The following IRX4 variants were observed in gnomAD, a reference collection of about 807,000 sequenced individuals.
The protein encoded by IRX4 is iroquois-class homeodomain protein IRX-4.
In IRX4, 22 loss-of-function variants were observed where a neutral mutation model predicts 32.0. The ratio of observed to expected loss-of-function variants is 0.69; its 90% CI spans 0.49 to 0.98. IRX4 has a LOEUF of 0.98. Ranked by LOEUF, IRX4 falls within the 50% of genes least tolerant of loss-of-function variation. The pLI is 0.00. For missense variants in IRX4, 840 were observed against 744.2 expected (o/e 1.13, Z -1.50); for synonymous variants, 379 against 351.7 (o/e 1.08, Z -0.87).
At chr5:1,878,916 G>T in intron 4 of IRX4, 124 bp from the exon 5 acceptor site, 2 of 1,005,616 alleles carry the variant, frequency 2.0e-6, no homozygotes, top group Non-Finnish European at 3.1e-6. Context: ...GCCTCTCTTC[G>T]CGTCTCCCAT....
chr5:1,886,698 C>G (rs1735642281), upstream of IRX4, among the ~76,000 whole-genome samples: 1 of 152,078 alleles, frequency 6.6e-6, no homozygotes, highest in Non-Finnish European at 1.5e-5. Flanking sequence ...CTGGCCACTC[C>G]GAGCCCCCCA....
At chr5:1,886,977 G>C (rs1212915944), upstream of IRX4, 1 of 151,178 alleles carries the variant, frequency 6.6e-6, no homozygotes, top group Non-Finnish European at 1.5e-5. Context: ...TCCCCTCGGC[G>C]GCCGCGCGGA....
rs1317527272 is a variant in IRX4, at chr5:1,878,468, A to T, written c.1061T>A (p.Val354Glu). The T allele has an allele frequency of 6.2e-6, 9 of 1,452,264 alleles. No individual in the cohort carries two copies. The highest frequency in any genetic ancestry group is 8.1e-6 in the Non-Finnish European group (9 of 1,108,520). The allele number at this position is 1,452,264 out of a possible 1,614,324, so 90.0% of individuals were successfully genotyped here. The stretch of plus-strand genomic sequence containing the variant: ...CAGGCCTGCCGACGCCCCCGCCGGC[A>T]CAAACCCCAGCTTGGCCTCGCAGAC... ...PQVCEAKLGFVPAGASAGLEA... is the reference protein window; with the variant it reads ...PQVCEAKLGFEPAGASAGLEA... The change falls in exon 5 of 5, where the codon GTG becomes GAG. Residue 354 changes from valine (V) to glutamate (E), a missense_variant. Around this residue, in one of 3 missense-constraint regions of IRX4, gnomAD observed 585 missense variants for 488.0 expected, o/e 1.20. Transcript: ENST00000231357.
rs563172730 is a variant in IRX4, at chr5:1,878,829, G to A, written c.737-37C>T. On this transcript the variant is annotated intron_variant, in intron 4 of 4. Transcript: ENST00000231357. ...AATGCGTGGCCAGTGGAGGGAGAGGGTTGGTAGGTGAATCAGACCCCCTGT... is the reference window on the plus strand; with the variant it reads ...AATGCGTGGCCAGTGGAGGGAGAGGATTGGTAGGTGAATCAGACCCCCTGT... 6 of 1,603,504 alleles carry A rather than the reference G, an allele frequency of 3.7e-6. No individual in the cohort carries two copies. The East Asian group carries it at 6.7e-5, about 18-fold the overall frequency.
Position 1,880,669 on chromosome 5 carries a change from C to T in IRX4, c.407+56G>A, listed in dbSNP as rs555644904. 107 of 1,191,392 alleles carry T rather than the reference C, an allele frequency of 9.0e-5. 2 individuals are homozygous for T. The East Asian group carries it at 2.0e-3, about 22-fold the overall frequency. The allele number at this position is 1,191,392 out of a possible 1,614,324, so 73.8% of individuals were successfully genotyped here. A position where few individuals can be genotyped will look rare whatever the true frequency, so the allele number is the denominator to read the frequency against. On this transcript the variant is annotated intron_variant, in intron 3 of 4. Coordinates refer to ENST00000231357, the MANE Select transcript of IRX4 (RefSeq NM_016358.3). ...CATGATGGTGGAGGGGAGTTGGTGG[C>T]TGACAGTGCAGAGGGCCCGTGGGGC...
chr5:1,877,788 G>A lies in IRX4; in HGVS notation c.*181C>T. ...TCAGGCTCAGGCCCAGGCGGTGGAG[G>A]CCCCGGCGTGGCAGCGCCGGGCTTG... On this transcript the variant is annotated 3_prime_UTR_variant, in exon 5 of 5. Coordinates refer to ENST00000231357, the MANE Select transcript of IRX4 (RefSeq NM_016358.3). 1 of 605,812 alleles carries A rather than the reference G, an allele frequency of 1.7e-6. No homozygotes were observed. Among genetic ancestry groups the A allele is most frequent in the Non-Finnish European group, 2.7e-6 (1 of 365,774 alleles). 37.5% of individuals were successfully genotyped at this position (605,812 alleles called of 1,614,324 possible).
chr5:1,879,459 C>T (rs1384545716), intron 4 of IRX4, 45 bp downstream of exon 4: 1 of 1,612,328 alleles, frequency 6.2e-7, no homozygotes, highest in African/African-American at 1.3e-5. Context: ...GGCACTGTGC[C>T]TGCACTCCAG....
Position 1,878,318 on chromosome 5 carries a change from G to C in IRX4, c.1211C>G (p.Ala404Gly). The part of the protein sequence containing the change: ...MLKRQGPAAP[A>G]AVSSAPATSP... The stretch of plus-strand genomic sequence containing the variant: ...CGTGGCGGGCGCGGAGGACACAGCC[G>C]CAGGGGCCGCGGGACCTTGGCGCTT... The change falls in exon 5 of 5, where the codon GCG becomes GGG. Residue 404 changes from alanine to glycine, a missense_variant. Transcript: ENST00000231357. 1.9e-6 allele frequency: 3 copies of C among 1,564,242 alleles called. No homozygotes were observed. The highest frequency in any genetic ancestry group is 2.6e-6 in the Non-Finnish European group (3 of 1,155,706).
rs1284720900 is a variant in IRX4, at chr5:1,878,505, C to T, written c.1024G>A (p.Gly342Ser). 4.2e-6 allele frequency: 6 copies of T among 1,434,868 alleles called. No individual in the cohort carries two copies. Among genetic ancestry groups the T allele is most frequent in the Non-Finnish European group, 5.4e-6 (6 of 1,102,194 alleles). The allele number at this position is 1,434,868 out of a possible 1,614,324, so 88.9% of individuals were successfully genotyped here. The change falls in exon 5 of 5, where the codon GGC (glycine) becomes AGC (serine). Residue 342 changes from glycine to serine, a missense_variant. This residue lies in a region of IRX4 where 585 missense variants were observed against 488.0 expected (regional missense o/e 1.20). Coordinates refer to ENST00000231357, the MANE Select transcript of IRX4 (RefSeq NM_016358.3). Reference sequence around the variant, plus strand: ...TTGGCCTCGCAGACCTGAGGGCCGCCCTCTGCGCCCGGCAGTGGCTCCGGC... The same window carrying T: ...TTGGCCTCGCAGACCTGAGGGCCGCTCTCTGCGCCCGGCAGTGGCTCCGGC... ...AGPEPLPGAE[G>S]GPQVCEAKLG... is the part of the protein sequence containing the mutation.
Position 1,879,645 on chromosome 5 carries a change from G to A in IRX4, c.595C>T (p.Arg199Cys). 1 of 1,614,148 alleles carries A rather than the reference G, an allele frequency of 6.2e-7. No individual in the cohort carries two copies. The highest frequency in any genetic ancestry group is 8.5e-7 in the Non-Finnish European group (1 of 1,180,038). ...VSTWFANARRRLKKENKMTWP... is the reference protein window; with the variant it reads ...VSTWFANARRCLKKENKMTWP... ...GTCATCTTGTTCTCCTTCTTGAGGC[G>A]CCGGCGCGCGTTGGCGAACCAGGTG... The change falls in exon 4 of 5, where the codon CGC becomes TGC. Residue 199 changes from arginine to cysteine, a missense_variant. By Grantham distance (180) the Arg-to-Cys change is radical. This residue lies in a region of IRX4 where 585 missense variants were observed against 488.0 expected (regional missense o/e 1.20). Coordinates refer to ENST00000231357, the MANE Select transcript of IRX4 (RefSeq NM_016358.3).
At chr5:1,878,935 G>C (rs910974339) in intron 4 of IRX4, 143 bp from the exon 5 acceptor site, 24 of 852,130 alleles carry the variant, frequency 2.8e-5, no homozygotes, top group Non-Finnish European at 4.4e-5. Context: ...ATTTCCTCCA[G>C]AGGCCACCAG....
intron 4 of IRX4, 44 bp from the exon 5 acceptor site, chr5:1,878,836 G>C (rs748934195): frequency 6.3e-7 from 1 of 1,592,056 alleles, no homozygotes; most frequent in East Asian, 2.2e-5. Flanking sequence ...AGGGTTGGTA[G>C]GTGAATCAGA....
rs1055935067 is a variant in IRX4, at chr5:1,877,467, T to C, written c.*502A>G. On this transcript the variant is annotated 3_prime_UTR_variant, in exon 5 of 5. Transcript: ENST00000231357. The stretch of plus-strand genomic sequence containing the variant: ...TTATTGGTTTTGTTATATTAGCCTC[T>C]GAAGCAGGCAATTATTGGTGTGAAC... The C allele has an allele frequency of 6.5e-6, 1 of 154,132 alleles. No homozygotes were observed. Among genetic ancestry groups the C allele is most frequent in the African/African-American group, 2.4e-5 (1 of 41,526 alleles). 9.5% of individuals were successfully genotyped at this position (154,132 alleles called of 1,614,324 possible).
At chr5:1,883,678 C>A (rs1233741380), upstream of IRX4, among the ~76,000 whole-genome samples, 1 of 152,214 alleles carries the variant, frequency 6.6e-6, no homozygotes, top group Non-Finnish European at 1.5e-5. Context: ...CGGAGAACGC[C>A]CCATCTTCTC....
rs926643541 is a variant in IRX4 at position 1,878,151 on chromosome 5, C to A, written c.1378G>T (p.Ala460Ser). The A allele has an allele frequency of 2.6e-6, 4 of 1,561,530 alleles. No homozygotes were observed. Among genetic ancestry groups the A allele is most frequent in the East Asian group, 2.4e-5 (1 of 42,512 alleles). The part of the protein sequence containing the change: ...HSTLNQAWAT[A>S]KGALLDPGPL... ...CCGGGGTCCAGGAGGGCGCCCTTGGCGGTGGCCCAGGCCTGGTTCAAAGTG... is the reference window on the plus strand; with the variant it reads ...CCGGGGTCCAGGAGGGCGCCCTTGGAGGTGGCCCAGGCCTGGTTCAAAGTG... The change falls in exon 5 of 5, where the codon GCC becomes TCC. Residue 460 changes from alanine to serine, a missense_variant. By Grantham distance (99) the Ala-to-Ser change is moderately conservative. Coordinates refer to ENST00000231357, the MANE Select transcript of IRX4 (RefSeq NM_016358.3).
intron 1 of IRX4, 105 bp downstream of exon 1, chr5:1,882,498 G>C: frequency 2.0e-6 from 2 of 1,016,996 alleles, no homozygotes; most frequent in Non-Finnish European, 2.9e-6. Context: ...TTGCTAGCTC[G>C]GAAGCCGCAG....
In IRX4 at chr5:1,879,584, C is replaced by G. The variant is rs777693150; in HGVS notation, c.656G>C (p.Arg219Pro). 2 of 1,613,882 alleles carry G rather than the reference C, an allele frequency of 1.2e-6. No homozygotes were observed. The highest frequency in any genetic ancestry group is 1.7e-6 in the Non-Finnish European group (2 of 1,180,044). ...CTCCTCCTCGCCCTCCGCGTAGGGC[C>G]GCTTCTCGTCTGCGCACTTGTTCCG... Reference protein sequence around the residue: ...PPRNKCADEKRPYAEGEEEEG... With the variant: ...PPRNKCADEKPPYAEGEEEEG... Residue 219 changes from arginine to proline, a missense_variant, in exon 4 of 5, where the codon CGG (arginine) becomes CCG (proline). Arg to Pro is a moderately radical substitution (Grantham distance 103). This residue lies in a region of IRX4 where 585 missense variants were observed against 488.0 expected (regional missense o/e 1.20). Transcript: ENST00000231357.
At chr5:1,879,405 G>A in intron 4 of IRX4, 99 bp downstream of exon 4, 2 of 1,562,470 alleles carry the variant, frequency 1.3e-6, no homozygotes, top group Middle Eastern at 1.7e-4. Context: ...TAGGCATGGG[G>A]CTCGGCGTTT....
At chr5:1,880,976 C>T (rs888150191) in intron 2 of IRX4, 142 bp from the exon 3 acceptor site, 12 of 682,052 alleles carry the variant, frequency 1.8e-5, no homozygotes, top group East Asian at 1.1e-4. Flanking sequence ...GCTGATTTCC[C>T]GCTTGCTTTA....
Sources: allele counts gnomAD v4.1 joint callset (sites outside exome capture counted in the v4.1 genomes callset), GRCh38; gene constraint gnomAD v4.1.1; regional missense constraint gnomAD v4.1.1; transcripts MANE v1.5; gene names NCBI Gene and HGNC (gene_info 2026-07-23, HGNC 2026-07-21).